MGST1: variants seen among roughly 807,000 people sequenced by gnomAD.
The protein encoded by MGST1 is microsomal glutathione S-transferase 1, also known as glutathione S-transferase 12.
A neutral mutation model predicts 8.9 loss-of-function variants in MGST1; 5 were observed. The ratio of observed to expected loss-of-function variants is 0.56; its 90% CI spans 0.29 to 1.19. MGST1 has a LOEUF of 1.19. Among genes scored for constraint, MGST1 ranks in the 50% most tolerant of loss-of-function variants. MGST1 has a pLI of 0.08. For missense variants in MGST1, 182 were observed against 187.4 expected, an observed-to-expected ratio of 0.97 and a Z score of 0.17; for synonymous variants, 54 against 67.8, an observed-to-expected ratio of 0.80 and a Z score of 1.00.
intron 4 of MGST1, among the ~76,000 whole-genome samples, chr12:16,488,396 A>C (rs1287579757): frequency 6.6e-6 from 1 of 152,046 alleles, no homozygotes; most frequent in Admixed American, 6.6e-5. Context: ...GTGATCTTCA[A>C]TTCCTCAGTG....
At chr12:16,532,791 A>AT (rs1021604340) in intron 4 of MGST1, among the ~76,000 whole-genome samples, 22 of 152,048 alleles carry the variant, frequency 1.4e-4, no homozygotes, top group Admixed American at 3.3e-4. Context: ...CATGTAATGC[A>AT]TTTTTTTTAA....
chr12:16,578,870 C>T (rs566471398), intron 4 of MGST1, among the ~76,000 whole-genome samples: 2 of 151,618 alleles, frequency 1.3e-5, no homozygotes, highest in South Asian at 4.2e-4. Flanking sequence ...AACATTAATT[C>T]ACTAGAAGAA....
At chr12:16,471,272 TGAA>T (rs1941288194) in intron 4 of MGST1, among the ~76,000 whole-genome samples, 1 of 152,234 alleles carries the variant, frequency 6.6e-6, no homozygotes, top group African/African-American at 2.4e-5. Context: ...TGGCCAACAT[TGAA>T]GACAATGGAG....
chr12:16,426,494 T>G (rs934479640), intron 1 of MGST1, among the ~76,000 whole-genome samples: 14 of 152,226 alleles, frequency 9.2e-5, no homozygotes, highest in African/African-American at 3.4e-4. Flanking sequence ...ATTTAAATTT[T>G]TATTGCATTC....
intron 4 of MGST1, among the ~76,000 whole-genome samples, chr12:16,575,808 T>G (rs888074507): frequency 2.2e-5 from 1 of 45,608 alleles, no homozygotes; most frequent in South Asian, 1.3e-3. Context: ...TGCTTATACA[T>G]AAAGCTAAAT....
chr12:16,393,807 G>A (rs1334148076), intron 1 of MGST1, among the ~76,000 whole-genome samples: 1 of 152,156 alleles, frequency 6.6e-6, no homozygotes, highest in Non-Finnish European at 1.5e-5. Flanking sequence ...TAAACTACCA[G>A]GATACTGTAT....
chr12:16,399,056 C>T (rs1216432583), intron 1 of MGST1, among the ~76,000 whole-genome samples: 1 of 152,114 alleles, frequency 6.6e-6, no homozygotes, highest in Non-Finnish European at 1.5e-5. Context: ...TCCTCAAGAA[C>T]ACCTCCTCCC....
At chr12:16,467,222 T>C (rs1941262094) in intron 4 of MGST1, among the ~76,000 whole-genome samples, 1 of 152,198 alleles carries the variant, frequency 6.6e-6, no homozygotes, top group Admixed American at 6.5e-5. Flanking sequence ...TGTTTTCTGG[T>C]CTACTACTTA....
intron 1 of MGST1, among the ~76,000 whole-genome samples, chr12:16,394,376 C>G (rs147788050): frequency 0.075 from 11,285 of 150,564 alleles, 606 homozygotes; most frequent in Non-Finnish European, 0.11. Flanking sequence ...TTCTTTCTTT[C>G]TCTTTCTTTT....
Position 16,513,931 on chromosome 12 carries a change from C to T in MGST1, n.483-75597C>T, listed in dbSNP as rs770835081. On this transcript the variant is annotated intron_variant and non_coding_transcript_variant, in intron 4 of 4. Coordinates refer to the MGST1 transcript ENST00000538857. The surrounding 1 kb of genome is among the most constrained non-coding windows in gnomAD (Gnocchi z 4.2). ...GCTACAAGGTTATCGATACTATGAC[C>T]GCAAGACTTGCGGTTTTGACTTCAC... The T allele has an allele frequency of 5.3e-5, 29 of 549,912 alleles. No individual in the cohort carries two copies. Among genetic ancestry groups the T allele is most frequent in the Middle Eastern group, 3.0e-4 (1 of 3,326 alleles). The allele number at this position is 549,912 out of a possible 1,614,324, so 34.1% of individuals were successfully genotyped here.
chr12:16,458,045 C>A lies in MGST1; in HGVS notation n.482+74441C>A, dbSNP rs1941189989. Among the ~76,000 whole-genome samples the A allele has an allele frequency of 6.6e-6, 1 of 151,908 alleles. No homozygotes were observed. Among genetic ancestry groups the A allele is most frequent in the South Asian group, 2.1e-4 (1 of 4,816 alleles). ...CCTAGCAATATTATAACTGCTAATT[C>A]AATTACACTGAAATTGTTTAATAGA... On this transcript the variant is annotated intron_variant and non_coding_transcript_variant, in intron 4 of 4. Transcript: ENST00000538857. This position sits in a 1 kb window ranked among gnomAD's most constrained non-coding sequence, Gnocchi z 4.0.
chr12:16,392,310 G>C (rs1182673373), intron 1 of MGST1, among the ~76,000 whole-genome samples: 4 of 152,092 alleles, frequency 2.6e-5, no homozygotes, highest in Admixed American at 2.0e-4. Flanking sequence ...ATTTCCTATA[G>C]TAAGAACAAG....
chr12:16,551,416 G>A (rs111970892), intron 4 of MGST1: 22 of 770,422 alleles, frequency 2.9e-5, no homozygotes, highest in African/African-American at 1.9e-4. Flanking sequence ...TAATAGTTTC[G>A]CATGGTAATT....
intron 4 of MGST1, chr12:16,573,552 G>C (rs1204207484): frequency 6.6e-6 from 1 of 152,214 alleles, no homozygotes; most frequent in Non-Finnish European, 1.5e-5. Context: ...GATAAGGGGG[G>C]CAGTTAAAAG....
At position 16,548,929 on chromosome 12, in the gene MGST1, G is replaced by C. The variant is rs1941884535; in HGVS notation, n.483-40599G>C. ...AGCATATTATGTAAAAGAAAAAGCAGTGAAAACCTTGTTTGGTCTTCCAGT... is the reference window on the plus strand; with the variant it reads ...AGCATATTATGTAAAAGAAAAAGCACTGAAAACCTTGTTTGGTCTTCCAGT... On this transcript the variant is annotated intron_variant and non_coding_transcript_variant, in intron 4 of 4. Transcript: ENST00000538857. The surrounding 1 kb of genome is among the most constrained non-coding windows in gnomAD (Gnocchi z 4.2). The C allele has an allele frequency of 6.6e-6, 1 of 152,118 alleles. No homozygotes were observed. Among genetic ancestry groups the C allele is most frequent in the Non-Finnish European group, 1.5e-5 (1 of 68,016 alleles). The allele number at this position is 152,118 out of a possible 1,614,324, so 9.4% of individuals were successfully genotyped here. A position where few individuals can be genotyped will look rare whatever the true frequency, so the allele number is the denominator to read the frequency against.
chr12:16,383,095 G>T (rs548106534), exon 1 of MGST1: 2 of 152,578 alleles, frequency 1.3e-5, no homozygotes, highest in African/African-American at 2.4e-5. Flanking sequence ...TGCACTTCCT[G>T]GGTGAGGCGA....
chr12:16,448,525 T>C (rs1205126830), intron 4 of MGST1, among the ~76,000 whole-genome samples: 1 of 151,798 alleles, frequency 6.6e-6, no homozygotes, highest in Non-Finnish European at 1.5e-5. Flanking sequence ...AGAATTTTCA[T>C]AGTGATGGAG....
chr12:16,456,752 C>A (rs975871161), intron 4 of MGST1, among the ~76,000 whole-genome samples: 1 of 151,864 alleles, frequency 6.6e-6, no homozygotes, highest in East Asian at 1.9e-4. Context: ...GCACCGTCAA[C>A]CTTTGGGCTT....
intron 1 of MGST1, chr12:16,402,336 C>T (rs1454043870): frequency 6.3e-7 from 1 of 1,598,750 alleles, no homozygotes. Flanking sequence ...TCAACGTTGG[C>T]ATACTCATCT....
Sources: gnomAD v4.1 joint callset for allele counts (sites outside exome capture counted in the v4.1 genomes callset) on GRCh38, gnomAD v4.1.1 for gene constraint, Gnocchi (gnomAD v3.1) non-coding constraint, MANE v1.5 for transcripts, NCBI Gene and HGNC (gene_info 2026-07-23, HGNC 2026-07-21) for gene names.